The following PTPRG variants were observed in gnomAD, a reference collection of about 807,000 sequenced individuals.
The protein encoded by PTPRG is protein tyrosine phosphatase receptor type G, also known as receptor-type tyrosine-protein phosphatase gamma.
PTPRG carries 102 observed loss-of-function variants against 165.3 expected under a neutral mutation model. The ratio of observed to expected loss-of-function variants is 0.62; its 90% confidence interval spans 0.53 to 0.73. The LOEUF (loss-of-function observed/expected upper bound fraction) is 0.73, where lower values mean the gene tolerates loss of function less well. PTPRG is among the 30% of genes least tolerant of loss of function. The probability of loss-of-function intolerance (pLI) is 0.00; values close to 1 mark genes in which losing one functional copy is unlikely to be tolerated. For synonymous variants in PTPRG, 675 were observed against 669.5 expected, an observed-to-expected ratio of 1.01 and a Z score of -0.13; for missense variants, 1,866 against 1,861.4, an observed-to-expected ratio of 1.00 and a Z score of -0.05.
intron 8 of PTPRG, among the ~76,000 whole-genome samples, chr3:62,169,215 G>A (rs1341732960): frequency 6.6e-6 from 1 of 152,022 alleles, no homozygotes; most frequent in African/African-American, 2.4e-5. Flanking sequence ...TTTGAGGGTG[G>A]GGCCTTTGCC....
At chr3:61,564,820 C>T (rs1370072093) in intron 1 of PTPRG, among the ~76,000 whole-genome samples, 3 of 152,172 alleles carry the variant, frequency 2.0e-5, no homozygotes, top group African/African-American at 7.2e-5. Flanking sequence ...GCCCGGGTTC[C>T]CAGGCTCTGG....
chr3:61,663,178 TTAAAAA>T (rs1014529073), intron 1 of PTPRG, among the ~76,000 whole-genome samples: 8 of 151,894 alleles, frequency 5.3e-5, no homozygotes, highest in East Asian at 1.9e-4. Context: ...AAAAATAAAA[TTAAAAA>T]TAAAAGAGCA....
intron 2 of PTPRG, among the ~76,000 whole-genome samples, chr3:61,921,110 CA>C (rs1190082683): frequency 7.3e-6 from 1 of 137,112 alleles, no homozygotes; most frequent in Non-Finnish European, 1.5e-5. Context: ...CATCTCCTTC[CA>C]TCCATCTCCT....
At chr3:61,984,039 C>T (rs1432706997) in intron 2 of PTPRG, among the ~76,000 whole-genome samples, 1 of 152,056 alleles carries the variant, frequency 6.6e-6, no homozygotes, top group Non-Finnish European at 1.5e-5. Context: ...CAGTATTTGC[C>T]ATTATTTTCA....
intron 2 of PTPRG, among the ~76,000 whole-genome samples, chr3:61,853,189 G>C (rs2037013299): frequency 6.6e-6 from 1 of 152,180 alleles, no homozygotes; most frequent in African/African-American, 2.4e-5. Context: ...CAGGGAAGGG[G>C]GGTTTGAGAA....
intron 2 of PTPRG, among the ~76,000 whole-genome samples, chr3:61,860,661 C>G (rs1198570590): frequency 6.6e-6 from 1 of 151,990 alleles, no homozygotes; most frequent in Non-Finnish European, 1.5e-5. Context: ...CCAGACTGGT[C>G]TCGAACTCCT....
intron 1 of PTPRG, among the ~76,000 whole-genome samples, chr3:61,729,649 T>C (rs373638134): frequency 6.6e-6 from 1 of 152,222 alleles, no homozygotes. Flanking sequence ...TGGGGAGTTA[T>C]ATGGTTTAAC....
intron 8 of PTPRG, among the ~76,000 whole-genome samples, chr3:62,171,727 T>C (rs1294286857): frequency 6.6e-6 from 1 of 152,188 alleles, no homozygotes; most frequent in Non-Finnish European, 1.5e-5. Flanking sequence ...AACAGCTTTA[T>C]TGAGATTTAA....
chr3:61,926,859 A>G (rs1430698229), intron 2 of PTPRG, among the ~76,000 whole-genome samples: 1 of 151,908 alleles, frequency 6.6e-6, no homozygotes, highest in Non-Finnish European at 1.5e-5. Context: ...AAGTTCTGAC[A>G]GTGTTCATAG....
chr3:61,590,324 C>T (rs1427440067), intron 1 of PTPRG, among the ~76,000 whole-genome samples: 12 of 151,588 alleles, frequency 7.9e-5, no homozygotes, highest in South Asian at 2.1e-4. Context: ...GAGTTCAAGA[C>T]GACCCTGGCC....
intron 1 of PTPRG, among the ~76,000 whole-genome samples, chr3:61,650,931 G>C (rs1480576675): frequency 6.6e-6 from 1 of 152,136 alleles, no homozygotes; most frequent in Non-Finnish European, 1.5e-5. Context: ...CTATTTACAT[G>C]TGAACAATGA....
intron 5 of PTPRG, among the ~76,000 whole-genome samples, chr3:62,086,803 T>A (rs1379946046): frequency 6.6e-6 from 1 of 152,358 alleles, no homozygotes; most frequent in South Asian, 2.1e-4. Flanking sequence ...TAATGTTCAA[T>A]TGCAGTTTTG....
intron 2 of PTPRG, among the ~76,000 whole-genome samples, chr3:61,921,023 A>G (rs977470957): frequency 3.3e-5 from 5 of 152,120 alleles, no homozygotes; most frequent in Admixed American, 3.3e-4. Flanking sequence ...TTTGTGTCTC[A>G]GCAAACCGTG....
chr3:61,886,321 C>G (rs548390505), intron 2 of PTPRG, among the ~76,000 whole-genome samples: 3 of 152,132 alleles, frequency 2.0e-5, no homozygotes, highest in African/African-American at 7.2e-5. Flanking sequence ...AGGAGACACA[C>G]AAAAGTAAAC....
At chr3:62,166,794 C>T (rs1012928420) in intron 7 of PTPRG, among the ~76,000 whole-genome samples, 1 of 151,986 alleles carries the variant, frequency 6.6e-6, no homozygotes, top group African/African-American at 2.4e-5. Flanking sequence ...CCTCAAGTAA[C>T]CCTCTCACCT....
chr3:61,716,774 CAGCCTGGCCAAGATGGTGA>C, intron 1 of PTPRG, among the ~76,000 whole-genome samples: 1 of 152,266 alleles, frequency 6.6e-6, no homozygotes, highest in African/African-American at 2.4e-5. Context: ...AGTTCAAGAC[CAGCCTGGCCAAGATGGTGA>C]AACCCCATCT....
At chr3:61,993,378 C>A (rs573673210) in intron 3 of PTPRG, among the ~76,000 whole-genome samples, 1 of 151,912 alleles carries the variant, frequency 6.6e-6, no homozygotes, top group African/African-American at 2.4e-5. Flanking sequence ...CCACCACACC[C>A]GGCTAATTTT....
At chr3:61,663,195 A>C (rs1365906054) in intron 1 of PTPRG, among the ~76,000 whole-genome samples, 1 of 151,860 alleles carries the variant, frequency 6.6e-6, no homozygotes, top group Non-Finnish European at 1.5e-5. Flanking sequence ...TAAAAGAGCA[A>C]TGTCGTTGGC....
At position 61,824,464 on chromosome 3, in the gene PTPRG, AGC is replaced by A. The variant is rs2036050671; in HGVS notation, c.190+75483_190+75484del. Among the ~76,000 whole-genome samples, 5 of 152,378 alleles carry A rather than the reference AGC, an allele frequency of 3.3e-5. No homozygotes were observed. The South Asian group carries it at 1.0e-3, about 32-fold the overall frequency. ...TTACATCTAAGAGGCCTTCCCTTGC[AGC>A]AGGGAAAACCATAGCTGCAATTTAA... On this transcript the variant is annotated intron_variant, in intron 2 of 29. Coordinates refer to ENST00000474889, the MANE Select transcript of PTPRG (RefSeq NM_002841.4).
Sources: allele counts gnomAD v4.1 joint callset (sites outside exome capture counted in the v4.1 genomes callset), GRCh38; gene constraint gnomAD v4.1.1; transcripts MANE v1.5; gene names NCBI Gene and HGNC (gene_info 2026-07-23, HGNC 2026-07-21).